Variants in MAGI1 observed in about 807,000 individuals in gnomAD.
MAGI1 encodes the protein membrane associated guanylate kinase, WW and PDZ domain containing 1.
Under a neutral mutation model 139.9 loss-of-function variants are expected in MAGI1, and 58 were observed. That is an observed-to-expected ratio of 0.41 (90% confidence interval 0.34 to 0.52). MAGI1 has a LOEUF of 0.52. MAGI1 is among the 20% of genes least tolerant of loss of function. The pLI, the probability that MAGI1 is intolerant of heterozygous loss-of-function variation, is 0.12. For missense variants in MAGI1, 1,874 were observed against 1,901.6 expected (o/e 0.99, Z 0.27); for synonymous variants, 812 against 737.9 (o/e 1.10, Z -1.63).
intron 1 of MAGI1, among the ~76,000 whole-genome samples, chr3:65,797,691 G>A (rs769988428): frequency 1.2e-4 from 19 of 152,044 alleles, no homozygotes; most frequent in Non-Finnish European, 2.8e-4. Context: ...ACTCCAGCTT[G>A]AGCAACACAG....
intron 1 of MAGI1, among the ~76,000 whole-genome samples, chr3:65,723,329 C>G (rs1218363273): frequency 1.3e-5 from 2 of 152,132 alleles, no homozygotes; most frequent in African/African-American, 4.8e-5. Flanking sequence ...GCTACATCAC[C>G]AAGATGCTTC....
intron 1 of MAGI1, among the ~76,000 whole-genome samples, chr3:65,935,814 A>G (rs2063023819): frequency 6.6e-6 from 1 of 152,210 alleles, no homozygotes; most frequent in African/African-American, 2.4e-5. Context: ...AAGCCAGTCT[A>G]GCCTACTGGA....
chr3:65,364,830 A>G, intron 19 of MAGI1, 23 bp downstream of exon 19: 1 of 1,613,340 alleles, frequency 6.2e-7, no homozygotes. Context: ...CCCCTTTAAC[A>G]AAGGAAACCA....
At chr3:65,650,150 C>A (rs2085500088) in intron 1 of MAGI1, among the ~76,000 whole-genome samples, 2 of 152,190 alleles carry the variant, frequency 1.3e-5, no homozygotes, top group African/African-American at 2.4e-5. Context: ...CATTGCACCT[C>A]ATGCTCTTGC....
intron 1 of MAGI1, among the ~76,000 whole-genome samples, chr3:65,630,916 C>G (rs13072784): frequency 2.0e-5 from 3 of 152,184 alleles, no homozygotes; most frequent in African/African-American, 7.2e-5. Context: ...CCTTGCAGGC[C>G]ATGATAAAGA....
chr3:65,504,536 C>T (rs771841838), intron 2 of MAGI1, among the ~76,000 whole-genome samples: 2 of 152,022 alleles, frequency 1.3e-5, no homozygotes, highest in Non-Finnish European at 2.9e-5. Context: ...AACTTCTGTA[C>T]ACAAAGAAGA....
intron 1 of MAGI1, among the ~76,000 whole-genome samples, chr3:65,701,244 AC>A (rs2089586494): frequency 6.6e-6 from 1 of 152,160 alleles, no homozygotes; most frequent in Non-Finnish European, 1.5e-5. Context: ...AAAAGCTCTA[AC>A]TTGATTCCAA....
At chr3:65,629,234 A>G (rs76248203) in intron 1 of MAGI1, among the ~76,000 whole-genome samples, 7,935 of 152,254 alleles carry the variant, frequency 0.052, 416 homozygotes, top group African/African-American at 0.13. Flanking sequence ...CAGGTTTCCC[A>G]AGAGAACACT....
At chr3:65,359,408 T>C (rs1295668377) in intron 22 of MAGI1, 2 of 1,258,494 alleles carry the variant, frequency 1.6e-6, no homozygotes, top group Non-Finnish European at 2.0e-6. Context: ...AGACAACGAA[T>C]GCATCCTTTT....
chr3:65,669,065 T>G (rs1158656116), intron 1 of MAGI1, among the ~76,000 whole-genome samples: 2 of 151,826 alleles, frequency 1.3e-5, no homozygotes, highest in Non-Finnish European at 2.9e-5. Context: ...GCCTCCTGAG[T>G]AGCTGGGATT....
chr3:65,361,305 C>G lies in MAGI1; in HGVS notation c.3528G>C (p.Glu1176Asp). The part of the protein sequence containing the change: ...IGDEILEING[E>D]TTKNMKHSRA... ...GAGAATGCTTCATGTTTTTGGTGGTCTCACCATTGATCTCTAAAATTTCAT... is the reference window on the plus strand; with the variant it reads ...GAGAATGCTTCATGTTTTTGGTGGTGTCACCATTGATCTCTAAAATTTCAT... Residue 1176 changes from glutamate to aspartate, a missense_variant, in exon 22 of 23, where the codon GAG (glutamate) becomes GAC (aspartate). Physicochemically the swap from Glu to Asp is conservative, Grantham distance 45. This residue lies in a region of MAGI1 where 653 missense variants were observed against 644.5 expected (regional missense o/e 1.01). Coordinates refer to ENST00000402939, the MANE Select transcript of MAGI1 (RefSeq NM_001033057.2). 1.2e-6 allele frequency: 2 copies of G among 1,614,034 alleles called. No homozygotes were observed. Among genetic ancestry groups the G allele is most frequent in the Non-Finnish European group, 1.7e-6 (2 of 1,179,966 alleles).
At chr3:65,518,586 A>G (rs2078007045) in intron 2 of MAGI1, among the ~76,000 whole-genome samples, 1 of 152,184 alleles carries the variant, frequency 6.6e-6, no homozygotes, top group Admixed American at 6.5e-5. Context: ...AATCCCAAAT[A>G]GCTGTTAAGC....
Position 65,530,745 on chromosome 3 carries a change from A to ATG in MAGI1, c.431-37115_431-37114insCA, listed in dbSNP as rs1559642722. Among the ~76,000 whole-genome samples the ATG allele has an allele frequency of 6.0e-4, 47 of 78,184 alleles. 2 individuals carry two copies. Among genetic ancestry groups the ATG allele is most frequent in the Non-Finnish European group, 1.1e-3 (44 of 38,284 alleles). 51.3% of individuals were successfully genotyped at this position (78,184 alleles called of 152,430 possible). A position where few individuals can be genotyped will look rare whatever the true frequency, so the allele number is the denominator to read the frequency against. On this transcript the variant is annotated intron_variant, in intron 2 of 22. Coordinates refer to ENST00000402939, the MANE Select transcript of MAGI1 (RefSeq NM_001033057.2). ...TATACACACGTATATATATATGCAC[A>ATG]TATATATACACGTATATATATATAT...
intron 1 of MAGI1, among the ~76,000 whole-genome samples, chr3:65,987,282 G>A (rs2065930612): frequency 6.6e-6 from 1 of 152,170 alleles, no homozygotes; most frequent in Non-Finnish European, 1.5e-5. Context: ...GTGCATCCTT[G>A]GGCAAGGCAT....
At chr3:65,624,797 C>T (rs997419639) in intron 1 of MAGI1, among the ~76,000 whole-genome samples, 3 of 152,124 alleles carry the variant, frequency 2.0e-5, no homozygotes, top group African/African-American at 7.2e-5. Flanking sequence ...TTATAATATC[C>T]TGTGAATATA....
intron 2 of MAGI1, among the ~76,000 whole-genome samples, chr3:65,614,705 A>G (rs2083282226): frequency 6.6e-6 from 1 of 152,190 alleles, no homozygotes; most frequent in Non-Finnish European, 1.5e-5. Flanking sequence ...CAATATTTGT[A>G]AAGTACGTAG....
chr3:65,992,600 T>C (rs551423978), intron 1 of MAGI1, among the ~76,000 whole-genome samples: 1 of 152,324 alleles, frequency 6.6e-6, no homozygotes, highest in South Asian at 2.1e-4. Context: ...AAAATGCAGA[T>C]TATCATCTAA....
chr3:66,002,901 C>T (rs2107454559), intron 1 of MAGI1, among the ~76,000 whole-genome samples: 1 of 152,208 alleles, frequency 6.6e-6, no homozygotes, highest in South Asian at 2.1e-4. Context: ...ATAGTAAGGG[C>T]CATTTGTCCA....
At chr3:65,707,561 G>A (rs564620591) in intron 1 of MAGI1, among the ~76,000 whole-genome samples, 57 of 152,078 alleles carry the variant, frequency 3.7e-4, no homozygotes, top group African/African-American at 9.9e-4. Context: ...ATGGTTGTGC[G>A]TGCCTGTAGG....
Sources: gnomAD v4.1 joint callset for allele counts (sites outside exome capture counted in the v4.1 genomes callset) on GRCh38, gnomAD v4.1.1 for gene constraint, gnomAD v4.1.1 regional missense constraint, MANE v1.5 for transcripts, NCBI Gene and HGNC (gene_info 2026-07-23, HGNC 2026-07-21) for gene names.